NF1: variants seen among roughly 807,000 people sequenced by gnomAD.
NF1 encodes the protein neurofibromin 1, also known as neurofibromin.
A neutral mutation model predicts 325.7 loss-of-function variants in NF1; 122 were observed. The observed-to-expected ratio is 0.37, with a 90% CI of 0.32 to 0.44. The LOEUF is 0.44. NF1 is among the 20% of genes least tolerant of loss of function. NF1 has a pLI of 1.00. For synonymous variants in NF1, 1,091 were observed against 1,186.0 expected (o/e 0.92, Z 1.65); for missense variants, 2,140 against 3,415.4 (o/e 0.63, Z 9.31).
intron 1 of NF1, among the ~76,000 whole-genome samples, chr17:31,105,757 T>G (rs2001287): frequency 0.54 from 82,312 of 152,032 alleles, 26,025 homozygotes; most frequent in Middle Eastern, 0.76. Context: ...CAGGTGATCC[T>G]CCTGCCTTGG....
intron 27 of NF1, 113 bp downstream of exon 27, chr17:31,233,326 A>T (rs2067147628): frequency 9.2e-7 from 1 of 1,087,428 alleles, no homozygotes; most frequent in Admixed American, 1.9e-5. Flanking sequence ...TCAGAGCCAG[A>T]AGAAAGATGT....
chr17:31,309,020 C>T (rs1347466724), intron 36 of NF1, among the ~76,000 whole-genome samples: 1 of 152,148 alleles, frequency 6.6e-6, no homozygotes, highest in Non-Finnish European at 1.5e-5. Flanking sequence ...TACTTTATTT[C>T]ACAGAACCTT....
intron 5 of NF1, among the ~76,000 whole-genome samples, chr17:31,172,109 G>A (rs2065936426): frequency 6.6e-6 from 1 of 152,078 alleles, no homozygotes; most frequent in Non-Finnish European, 1.5e-5. Context: ...CACACTTTGG[G>A]GAAGCCGAGG....
chr17:31,359,743 C>G (rs1205883639), intron 56 of NF1: 1 of 154,304 alleles, frequency 6.5e-6, no homozygotes, highest in Non-Finnish European at 1.4e-5. Context: ...CAGGCATGAG[C>G]CACCGCACCT....
chr17:31,191,093 C>G (rs1292066533), intron 8 of NF1, among the ~76,000 whole-genome samples: 3 of 152,072 alleles, frequency 2.0e-5, no homozygotes, highest in African/African-American at 7.2e-5. Flanking sequence ...AGAAAGGAAG[C>G]AAACAGTAGA....
At chr17:31,175,208 T>G (rs2065999525) in intron 5 of NF1, among the ~76,000 whole-genome samples, 2 of 151,414 alleles carry the variant, frequency 1.3e-5, no homozygotes, top group Admixed American at 1.3e-4. Flanking sequence ...ATGATCTCAG[T>G]TATGTTAAAT....
Position 31,255,339 on chromosome 17 carries a change from G to T in NF1, c.4173+2339G>T, listed in dbSNP as rs73275625. ...CAGAATGTCTTTTGGATCCAAATTAGATTTTTATGGATTAAAAAAAACACT... is the reference window on the plus strand; with the variant it reads ...CAGAATGTCTTTTGGATCCAAATTATATTTTTATGGATTAAAAAAAACACT... On this transcript the variant is annotated intron_variant, in intron 31 of 57. Coordinates refer to ENST00000358273, the MANE Select transcript of NF1 (RefSeq NM_001042492.3). Among the ~76,000 whole-genome samples the T allele has an allele frequency of 7.8e-3, 1,191 of 151,938 alleles. 21 individuals are homozygous for T. Among genetic ancestry groups the T allele is most frequent in the African/African-American group, 0.028 (1,141 of 41,434 alleles).
intron 36 of NF1, 55 bp downstream of exon 36, chr17:31,265,394 T>C: frequency 7.7e-7 from 1 of 1,298,254 alleles, no homozygotes; most frequent in Non-Finnish European, 1.1e-6. Context: ...TTATAGCAAA[T>C]ATAGAGAGAT....
At chr17:31,340,232 T>G in intron 46 of NF1, 1 of 486,006 alleles carries the variant, frequency 2.1e-6, no homozygotes, top group Admixed American at 3.5e-5. Context: ...GAGACTACTC[T>G]AGAAGAATCA....
chr17:31,210,849 A>G (rs2066717241), intron 12 of NF1, among the ~76,000 whole-genome samples: 1 of 152,052 alleles, frequency 6.6e-6, no homozygotes, highest in African/African-American at 2.4e-5. Flanking sequence ...GGCCCTTTTT[A>G]TATGAATGTT....
At chr17:31,295,162 G>T (rs757057473) in intron 36 of NF1, 2 of 1,614,068 alleles carry the variant, frequency 1.2e-6, no homozygotes, top group Admixed American at 1.7e-5. Context: ...GCATTTCAGA[G>T]AAATTATTTG....
At chr17:31,192,170 A>G (rs2066355652) in intron 8 of NF1, among the ~76,000 whole-genome samples, 1 of 152,206 alleles carries the variant, frequency 6.6e-6, no homozygotes, top group Non-Finnish European at 1.5e-5. Flanking sequence ...AAATTTATAT[A>G]TGTGTCCACG....
intron 4 of NF1, 143 bp downstream of exon 4, chr17:31,163,519 T>C: frequency 6.1e-6 from 5 of 819,776 alleles, no homozygotes; most frequent in Non-Finnish European, 9.7e-6. Context: ...ACAGCAGCTT[T>C]GACCTCCCAG....
chr17:31,226,668 C>T lies in NF1; in HGVS notation c.2235C>T (p.Ser745=), dbSNP rs1060503901. Residue 745 remains serine (S), a synonymous_variant, in exon 18 of 58, where the codon AGC becomes AGT. Coordinates refer to ENST00000358273, the MANE Select transcript of NF1 (RefSeq NM_001042492.3). ...YNTFMEFASV[S]NMMSTGRAAL... ...CATTCATGGAGTTTGCCTCTGTCAG[C>T]AATATGATGTCAACAGGTAAATGTG... is the stretch of plus-strand genomic sequence containing the variant. 6.2e-7 allele frequency: 1 copy of T among 1,613,798 alleles called. No individual in the cohort carries two copies. Among genetic ancestry groups the T allele is most frequent in the Admixed American group, 1.7e-5 (1 of 60,012 alleles).
chr17:31,182,970 C>T (rs2066165201), intron 8 of NF1: 1 of 579,750 alleles, frequency 1.7e-6, no homozygotes, highest in Non-Finnish European at 3.0e-6. Flanking sequence ...CTAATATTCA[C>T]TACAAGGATT....
At chr17:31,333,688 A>T (rs1185607881) in intron 39 of NF1, among the ~76,000 whole-genome samples, 1 of 152,232 alleles carries the variant, frequency 6.6e-6, no homozygotes, top group Non-Finnish European at 1.5e-5. Flanking sequence ...TTTGTTACAG[A>T]ATTTCAGTTT....
intron 11 of NF1, among the ~76,000 whole-genome samples, chr17:31,205,902 TAAAAA>T (rs879834365): frequency 7.0e-6 from 1 of 141,940 alleles, no homozygotes; most frequent in African/African-American, 2.6e-5. Flanking sequence ...ACATTAAACT[TAAAAA>T]AAAAAAAAGA....
intron 8 of NF1, among the ~76,000 whole-genome samples, chr17:31,186,206 C>T (rs1321238502): frequency 6.6e-6 from 1 of 152,144 alleles, no homozygotes; most frequent in East Asian, 1.9e-4. Flanking sequence ...CCCATGGTCT[C>T]CACTCATGCC....
At chr17:31,127,491 C>T (rs574545449) in intron 1 of NF1, among the ~76,000 whole-genome samples, 4 of 151,542 alleles carry the variant, frequency 2.6e-5, no homozygotes, top group Non-Finnish European at 5.9e-5. Context: ...CATAAAATGT[C>T]AGTTTTTCCT....
Sources: allele counts gnomAD v4.1 joint callset (sites outside exome capture counted in the v4.1 genomes callset), GRCh38; gene constraint gnomAD v4.1.1; transcripts MANE v1.5; gene names NCBI Gene and HGNC (gene_info 2026-07-23, HGNC 2026-07-21).